The following AFG1L variants were observed in gnomAD, a reference collection of about 807,000 sequenced individuals.
The protein encoded by AFG1L is AFG1 like ATPase.
A neutral mutation model predicts 62.2 loss-of-function variants in AFG1L; 53 were observed. The ratio of observed to expected loss-of-function variants is 0.85; its 90% CI spans 0.68 to 1.07. AFG1L has a LOEUF of 1.07. Among genes scored for constraint, AFG1L ranks in the 50% least tolerant of loss-of-function variants. AFG1L has a pLI of 0.00. For missense variants in AFG1L, 555 were observed against 590.5 expected, an observed-to-expected ratio of 0.94 and a Z score of 0.62; for synonymous variants, 228 against 210.3, an observed-to-expected ratio of 1.08 and a Z score of -0.73.
chr6:108,435,785 A>G (rs1334454103), intron 7 of AFG1L, among the ~76,000 whole-genome samples: 1 of 152,200 alleles, frequency 6.6e-6, no homozygotes, highest in Admixed American at 6.5e-5. Flanking sequence ...AGCTGGAAGA[A>G]TGCTTCATTT....
chr6:108,507,097 AT>A (rs1774451391), intron 10 of AFG1L, among the ~76,000 whole-genome samples: 1 of 152,196 alleles, frequency 6.6e-6, no homozygotes, highest in Admixed American at 6.5e-5. Context: ...AAAAAGTAGT[AT>A]TGCTATCTCT....
At chr6:108,356,970 G>T in intron 5 of AFG1L, 150 bp downstream of exon 5, 1 of 679,378 alleles carries the variant, frequency 1.5e-6, no homozygotes, top group Non-Finnish European at 2.4e-6. Context: ...TCAGGAGCTG[G>T]CAAATCACAA....
At chr6:108,379,098 C>T (rs1293498820) in intron 6 of AFG1L, among the ~76,000 whole-genome samples, 1 of 150,618 alleles carries the variant, frequency 6.6e-6, no homozygotes, top group Non-Finnish European at 1.5e-5. Context: ...ACAACCTCCT[C>T]CTCCCAGGTC....
chr6:108,346,795 C>T (rs1041989643), intron 2 of AFG1L, among the ~76,000 whole-genome samples, 193 bp from the exon 3 acceptor site: 3 of 152,250 alleles, frequency 2.0e-5, no homozygotes, highest in South Asian at 2.1e-4. Context: ...TTCATGTATA[C>T]GTTAGAGTTT....
intron 7 of AFG1L, among the ~76,000 whole-genome samples, chr6:108,414,367 T>G (rs1782261383): frequency 6.6e-6 from 1 of 152,242 alleles, no homozygotes; most frequent in South Asian, 2.1e-4. Context: ...GTACCATTCC[T>G]TCTGAAACTA....
At chr6:108,377,244 A>C (rs1780288338) in intron 6 of AFG1L, among the ~76,000 whole-genome samples, 1 of 152,198 alleles carries the variant, frequency 6.6e-6, no homozygotes, top group Non-Finnish European at 1.5e-5. Flanking sequence ...GACCATTTAC[A>C]TTCAAGGTTA....
chr6:108,375,982 T>A (rs547678482), intron 6 of AFG1L, among the ~76,000 whole-genome samples: 17 of 152,282 alleles, frequency 1.1e-4, no homozygotes, highest in African/African-American at 3.8e-4. Flanking sequence ...ATTGATTCAA[T>A]TTTGGAACTT....
intron 10 of AFG1L, among the ~76,000 whole-genome samples, chr6:108,498,386 A>G (rs1302239515): frequency 6.6e-6 from 1 of 152,212 alleles, no homozygotes; most frequent in Non-Finnish European, 1.5e-5. Flanking sequence ...GTTTTAAATT[A>G]TCATAATTTA....
intron 5 of AFG1L, 67 bp downstream of exon 5, chr6:108,356,887 C>T (rs1779312816): frequency 1.6e-5 from 22 of 1,333,622 alleles, no homozygotes; most frequent in Non-Finnish European, 2.3e-5. Flanking sequence ...TTAAATTTTG[C>T]TCCTGATTTT....
intron 6 of AFG1L, among the ~76,000 whole-genome samples, chr6:108,379,966 C>A (rs1780425754): frequency 6.6e-6 from 1 of 151,524 alleles, no homozygotes; most frequent in African/African-American, 2.4e-5. Flanking sequence ...GGTCAAGCTG[C>A]CGATCCAGGT....
At chr6:108,297,296 T>C (rs1012207038) in intron 1 of AFG1L, among the ~76,000 whole-genome samples, 27 of 151,926 alleles carry the variant, frequency 1.8e-4, no homozygotes, top group Non-Finnish European at 2.9e-5. Context: ...TTAGTAGAGA[T>C]GGGGTTTCAC....
intron 7 of AFG1L, among the ~76,000 whole-genome samples, chr6:108,440,107 C>G (rs547820995): frequency 1.3e-5 from 2 of 152,146 alleles, no homozygotes; most frequent in Non-Finnish European, 2.9e-5. Flanking sequence ...TTCATTTCTA[C>G]TGTTATGCTT....
In AFG1L at chr6:108,431,132, T is replaced by G. The variant is rs1431431488; in HGVS notation, c.808-16082T>G. On this transcript the variant is annotated intron_variant, in intron 7 of 12. Coordinates refer to ENST00000368977, the MANE Select transcript of AFG1L (RefSeq NM_145315.5). ...TTCTTTTTTTTTTGGAGGCGAAGTC[T>G]TGCTCATGTCACCCAGGCTGGAGTG... 2.6e-5 allele frequency among the ~76,000 whole-genome samples: 4 copies of G among 151,872 alleles called. No homozygotes were observed. The East Asian group carries it at 7.7e-4, about 29-fold the overall frequency.
At chr6:108,383,169 G>T (rs1199993218) in intron 6 of AFG1L, among the ~76,000 whole-genome samples, 1 of 152,120 alleles carries the variant, frequency 6.6e-6, no homozygotes, top group African/African-American at 2.4e-5. Flanking sequence ...GGAGGCGGAG[G>T]TTGCAGTGAA....
intron 8 of AFG1L, among the ~76,000 whole-genome samples, chr6:108,461,710 T>C (rs1209663326): frequency 6.6e-6 from 1 of 152,168 alleles, no homozygotes; most frequent in Non-Finnish European, 1.5e-5. Flanking sequence ...CCACCTGCCT[T>C]AGCCTCCCAA....
intron 8 of AFG1L, among the ~76,000 whole-genome samples, chr6:108,467,622 A>C (rs963963805): frequency 6.6e-6 from 1 of 152,176 alleles, no homozygotes; most frequent in African/African-American, 2.4e-5. Flanking sequence ...TGTCTGTATC[A>C]GGTAGAGATC....
intron 7 of AFG1L, among the ~76,000 whole-genome samples, chr6:108,412,404 A>T (rs1269864106): frequency 3.3e-5 from 5 of 152,144 alleles, no homozygotes; most frequent in African/African-American, 7.2e-5. Flanking sequence ...AAATTCAGGA[A>T]ATACAGAGAA....
chr6:108,392,164 T>A (rs1462110375), intron 6 of AFG1L: 1 of 152,184 alleles, frequency 6.6e-6, no homozygotes, highest in African/African-American at 2.4e-5. Context: ...ATTTAAAAGA[T>A]GTAAAATTTT....
chr6:108,416,830 G>A (rs1423045183), intron 7 of AFG1L, among the ~76,000 whole-genome samples: 2 of 151,978 alleles, frequency 1.3e-5, no homozygotes, highest in Non-Finnish European at 2.9e-5. Context: ...TGTAAATGAC[G>A]AGTTAATGGG....
Sources: gnomAD v4.1 joint callset for allele counts (sites outside exome capture counted in the v4.1 genomes callset) on GRCh38, gnomAD v4.1.1 for gene constraint, MANE v1.5 for transcripts, NCBI Gene and HGNC (gene_info 2026-07-23, HGNC 2026-07-21) for gene names.